PPP1R14A: variants seen among roughly 807,000 people sequenced by gnomAD.
PPP1R14A encodes protein phosphatase 1 regulatory subunit 14A.
PPP1R14A carries 9 observed loss-of-function variants against 14.1 expected under a neutral mutation model. That is an observed-to-expected ratio of 0.64 (90% CI 0.38 to 1.11). The LOEUF is 1.11. Ranked by LOEUF, PPP1R14A falls within the 50% of genes most tolerant of loss-of-function variation. PPP1R14A has a pLI of 0.01. For missense variants in PPP1R14A, 208 were observed against 200.7 expected (o/e 1.04, Z -0.22); for synonymous variants, 93 against 88.7 (o/e 1.05, Z -0.27).
chr19:38,251,489 G>C (rs756933705), intron 3 of PPP1R14A, 43 bp from the exon 4 acceptor site: 1 of 1,514,910 alleles, frequency 6.6e-7, no homozygotes, highest in South Asian at 1.3e-5. Context: ...AACAGTGCGG[G>C]GGCACCCTCT....
In PPP1R14A at chr19:38,252,312, A is replaced by AT; in HGVS notation, c.308_309insA (p.Val104CysfsTer63). 1 of 1,612,480 alleles carries AT rather than the reference A, an allele frequency of 6.2e-7. No homozygotes were observed. Among genetic ancestry groups the AT allele is most frequent in the Non-Finnish European group, 8.5e-7 (1 of 1,179,376 alleles). On this transcript the variant is annotated frameshift_variant, in exon 3 of 4. Coordinates refer to ENST00000301242, the MANE Select transcript of PPP1R14A (RefSeq NM_033256.3). LOFTEE classifies it high-confidence loss of function. The surrounding 1 kb of genome is among the most constrained non-coding windows in gnomAD (Gnocchi z 4.1). ...TGAGGGAGAGAAAACTCACCTCGAC[A>AT]GGTTTCCCACATGACTTCAGGAGTC...
intron 3 of PPP1R14A, chr19:38,251,869 C>T (rs1032343669): frequency 8.9e-6 from 3 of 335,858 alleles, no homozygotes; most frequent in Admixed American, 4.5e-5. Flanking sequence ...GTTGGAGAAA[C>T]ATGAATAGTT....
In PPP1R14A at chr19:38,252,296, G is replaced by A; in HGVS notation, c.315+10C>T. ...CAGAACAGGGAGAGAATGAGGGAGAGAAAACTCACCTCGACAGGTTTCCCA... is the reference window on the plus strand; with the variant it reads ...CAGAACAGGGAGAGAATGAGGGAGAAAAAACTCACCTCGACAGGTTTCCCA... On this transcript the variant is annotated intron_variant, in intron 3 of 3. Transcript: ENST00000301242. The surrounding 1 kb of genome is among the most constrained non-coding windows in gnomAD (Gnocchi z 4.1). The A allele has an allele frequency of 6.2e-7, 1 of 1,611,084 alleles. No homozygotes were observed. The highest frequency in any genetic ancestry group is 2.2e-5 in the East Asian group (1 of 44,852).
In PPP1R14A at chr19:38,252,031, G is replaced by T; in HGVS notation, c.315+275C>A. The stretch of plus-strand genomic sequence containing the variant: ...CAGAGGGAGACTGAGCCCGAAGGCT[G>T]GTGGCCAAAGGACAGGCACAGGAGA... On this transcript the variant is annotated intron_variant, in intron 3 of 3. Coordinates refer to ENST00000301242, the MANE Select transcript of PPP1R14A (RefSeq NM_033256.3). The surrounding 1 kb of genome is among the most constrained non-coding windows in gnomAD (Gnocchi z 4.1). 1 of 529,756 alleles carries T rather than the reference G, an allele frequency of 1.9e-6. No homozygotes were observed. The highest frequency in any genetic ancestry group is 2.5e-5 in the South Asian group (1 of 40,016). The allele number at this position is 529,756 out of a possible 1,614,324, so 32.8% of individuals were successfully genotyped here. A position where few individuals can be genotyped will look rare whatever the true frequency, so the allele number is the denominator to read the frequency against.
In PPP1R14A at chr19:38,252,277, A is replaced by C. The variant is rs527860497; in HGVS notation, c.315+29T>G. On this transcript the variant is annotated intron_variant, in intron 3 of 3. Transcript: ENST00000301242. The surrounding 1 kb of genome is among the most constrained non-coding windows in gnomAD (Gnocchi z 4.1). ...CCATCAGAGTACTTGGGGCCAGAAC[A>C]GGGAGAGAATGAGGGAGAGAAAACT... is the stretch of plus-strand genomic sequence containing the variant. The C allele has an allele frequency of 6.8e-6, 11 of 1,608,112 alleles. No individual in the cohort carries two copies. Among genetic ancestry groups the C allele is most frequent in the Middle Eastern group, 1.7e-4 (1 of 6,056 alleles).
chr19:38,255,235 C>G (rs1370000027), intron 1 of PPP1R14A, among the ~76,000 whole-genome samples: 1 of 152,134 alleles, frequency 6.6e-6, no homozygotes, highest in Non-Finnish European at 1.5e-5. Context: ...GCAATCCTCC[C>G]ACCTCAGCCT....
chr19:38,251,322 G>C lies in PPP1R14A; in HGVS notation c.440C>G (p.Pro147Arg). The C allele has an allele frequency of 6.7e-7, 1 of 1,501,612 alleles. No homozygotes were observed. The allele number at this position is 1,501,612 out of a possible 1,614,324, so 93.0% of individuals were successfully genotyped here. A position where few individuals can be genotyped will look rare whatever the true frequency, so the allele number is the denominator to read the frequency against. The change falls in exon 4 of 4, where the codon CCC becomes CGC. Residue 147 changes from proline to arginine, a missense_variant. Transcript: ENST00000301242. Reference protein sequence around the residue: ...PLQDRARTAHP With the variant: ...PLQDRARTAHR ...GGCAGGGAGAGTGCAAGAGGGTCAGGGGTGAGCAGTCCGGGCCCGGTCCTG... is the reference window on the plus strand; with the variant it reads ...GGCAGGGAGAGTGCAAGAGGGTCAGCGGTGAGCAGTCCGGGCCCGGTCCTG...
Position 38,252,879 on chromosome 19 carries a change from C to T in PPP1R14A, c.282+15G>A, listed in dbSNP as rs1371597597. On this transcript the variant is annotated intron_variant, in intron 2 of 3. Transcript: ENST00000301242. This position sits in a 1 kb window ranked among gnomAD's most constrained non-coding sequence, Gnocchi z 4.1. ...GTGCAAAGTGGGAGGCTGGGGGACA[C>T]GTCCCCCCACCTACCTGGATTTTCC... is the stretch of plus-strand genomic sequence containing the variant. 1.1e-5 allele frequency: 17 copies of T among 1,577,280 alleles called. No individual in the cohort carries two copies. In the East Asian group the frequency reaches 2.0e-4, roughly 19 times the overall value.
chr19:38,251,502 C>A, intron 3 of PPP1R14A, 56 bp from the exon 4 acceptor site: 1 of 1,488,826 alleles, frequency 6.7e-7, no homozygotes, highest in Non-Finnish European at 8.8e-7. Flanking sequence ...CACCCTCTGC[C>A]CCTGTCCAGC....
chr19:38,255,856 A>G (rs1017330582), intron 1 of PPP1R14A, among the ~76,000 whole-genome samples: 30 of 150,674 alleles, frequency 2.0e-4, no homozygotes, highest in Admixed American at 1.9e-3. Flanking sequence ...AGCTCAACTT[A>G]GCCTCCTCCC....
intron 1 of PPP1R14A, among the ~76,000 whole-genome samples, chr19:38,255,702 G>A (rs1318219516): frequency 1.3e-5 from 2 of 149,156 alleles, no homozygotes; most frequent in South Asian, 4.2e-4. Context: ...AGTGGCTATA[G>A]CTTCCTTCAC....
chr19:38,251,985 G>A (rs977051295), intron 3 of PPP1R14A: 11 of 440,238 alleles, frequency 2.5e-5, no homozygotes, highest in Admixed American at 7.5e-5. Context: ...CCGGGGTGGC[G>A]GAGGCAGTGA....
At position 38,256,274 on chromosome 19, in the gene PPP1R14A, C is replaced by A; in HGVS notation, c.66G>T (p.Gly22=). The A allele has an allele frequency of 6.5e-7, 1 of 1,542,122 alleles. No homozygotes were observed. Among genetic ancestry groups the A allele is most frequent in the Non-Finnish European group, 8.7e-7 (1 of 1,149,932 alleles). The change falls in exon 1 of 4, where the codon GGG becomes GGT. Residue 22 remains glycine (G), a synonymous_variant. Coordinates refer to ENST00000301242, the MANE Select transcript of PPP1R14A (RefSeq NM_033256.3). This position sits in a 1 kb window ranked among gnomAD's most constrained non-coding sequence, Gnocchi z 5.7. ...SKLQSPSRAR[G]PGGSPGGLQK... Reference sequence around the variant, plus strand: ...GCAGCCCCCCGGGACTGCCCCCTGGCCCGCGGGCCCGCGATGGAGACTGCA... The same window carrying A: ...GCAGCCCCCCGGGACTGCCCCCTGGACCGCGGGCCCGCGATGGAGACTGCA...
chr19:38,253,132 T>C, intron 1 of PPP1R14A, 158 bp from the exon 2 acceptor site: 1 of 565,930 alleles, frequency 1.8e-6, no homozygotes. Flanking sequence ...ACGGGACATC[T>C]GGGTGTTGGG....
At chr19:38,251,763 A>C in intron 3 of PPP1R14A, 3 of 412,900 alleles carry the variant, frequency 7.3e-6, no homozygotes, top group South Asian at 5.3e-5. Flanking sequence ...AGAGAGAGAC[A>C]TAAGGACAGA....
Position 38,252,075 on chromosome 19 carries a change from G to T in PPP1R14A, c.315+231C>A, listed in dbSNP as rs894550508. 8.5e-6 allele frequency: 5 copies of T among 585,416 alleles called. No homozygotes were observed. Among genetic ancestry groups the T allele is most frequent in the South Asian group, 8.3e-5 (4 of 48,370 alleles). The allele number at this position is 585,416 out of a possible 1,614,324, so 36.3% of individuals were successfully genotyped here. ...CAGGAGAGGCAAAAACAGGGCAGAT[G>T]GGGGAGGACAGAATGGAGCCCCCTC... On this transcript the variant is annotated intron_variant, in intron 3 of 3. Transcript: ENST00000301242. The surrounding 1 kb of genome is among the most constrained non-coding windows in gnomAD (Gnocchi z 4.1).
At chr19:38,253,109 C>T in intron 1 of PPP1R14A, 135 bp from the exon 2 acceptor site, 1 of 674,930 alleles carries the variant, frequency 1.5e-6, no homozygotes, top group Non-Finnish European at 2.6e-6. Flanking sequence ...CAGTCCGGGA[C>T]AGCACTGCCA....
intron 1 of PPP1R14A, among the ~76,000 whole-genome samples, chr19:38,255,235 C>T (rs1370000027): frequency 6.6e-6 from 1 of 152,134 alleles, no homozygotes. Context: ...GCAATCCTCC[C>T]ACCTCAGCCT....
At position 38,251,289 on chromosome 19, in the gene PPP1R14A, G is replaced by C. The variant is rs769191689; in HGVS notation, c.*29C>G. ...CTTATACACAAGCAAGCTGGGCGGC[G>C]TCCGGGGGGCAGGGAGAGTGCAAGA... On this transcript the variant is annotated 3_prime_UTR_variant, in exon 4 of 4. Transcript: ENST00000301242. 4 of 1,433,600 alleles carry C rather than the reference G, an allele frequency of 2.8e-6. No individual in the cohort carries two copies. In the East Asian group the frequency reaches 1.1e-4, roughly 41 times the overall value. The allele number at this position is 1,433,600 out of a possible 1,614,324, so 88.8% of individuals were successfully genotyped here. A position where few individuals can be genotyped will look rare whatever the true frequency, so the allele number is the denominator to read the frequency against.
Sources: gnomAD v4.1 joint callset for allele counts (sites outside exome capture counted in the v4.1 genomes callset) on GRCh38, gnomAD v4.1.1 for gene constraint, Gnocchi (gnomAD v3.1) non-coding constraint, MANE v1.5 for transcripts, NCBI Gene and HGNC (gene_info 2026-07-23, HGNC 2026-07-21) for gene names.